Variants in PRKG1 observed in about 807,000 individuals in gnomAD.
PRKG1 encodes cGMP-dependent protein kinase 1.
In PRKG1, 35 loss-of-function variants were observed where a neutral mutation model predicts 88.1. The ratio of observed to expected loss-of-function variants is 0.40; its 90% confidence interval spans 0.30 to 0.53. The LOEUF (loss-of-function observed/expected upper bound fraction) is 0.53. Ranked by LOEUF, PRKG1 falls within the 20% of genes least tolerant of loss-of-function variation. The pLI is 0.59. For synonymous variants in PRKG1, 303 were observed against 292.5 expected (o/e 1.04, Z -0.37); for missense variants, 540 against 839.8 (o/e 0.64, Z 4.41).
At chr10:51,206,855 T>C (rs1228902860) in intron 2 of PRKG1, among the ~76,000 whole-genome samples, 2 of 152,130 alleles carry the variant, frequency 1.3e-5, no homozygotes, top group Non-Finnish European at 2.9e-5. Flanking sequence ...ATAAATAGAA[T>C]CAGAAATCAA....
intron 3 of PRKG1, among the ~76,000 whole-genome samples, chr10:51,693,287 CAAAA>C (rs762828746): frequency 1.4e-5 from 1 of 70,592 alleles, no homozygotes; most frequent in African/African-American, 4.3e-5. Flanking sequence ...GACACCACCT[CAAAA>C]AAAAAAAAAA....
intron 5 of PRKG1, among the ~76,000 whole-genome samples, chr10:52,045,268 A>G (rs796370083): frequency 1.3e-5 from 2 of 151,902 alleles, no homozygotes; most frequent in South Asian, 4.3e-4. Flanking sequence ...TCTAGTGGGG[A>G]TCAGGCTGAT....
chr10:51,412,205 GAGAGAGAGAAAGAA>G (rs761899413), intron 2 of PRKG1, among the ~76,000 whole-genome samples: 6,036 of 119,864 alleles, frequency 0.05, 175 homozygotes, highest in African/African-American at 0.12. Flanking sequence ...GAGAGAGAGA[GAGAGAGAGAAAGAA>G]AGAGAGAAAG....
intron 5 of PRKG1, among the ~76,000 whole-genome samples, chr10:52,050,733 T>G (rs142783310): frequency 3.3e-5 from 5 of 152,200 alleles, no homozygotes; most frequent in Admixed American, 6.5e-5. Flanking sequence ...GATATTTATA[T>G]GACAAGTTGA....
In PRKG1 at chr10:51,705,295, A is replaced by T. The variant is rs925158180; in HGVS notation, c.593-99290A>T. Among the ~76,000 whole-genome samples, 4 of 152,334 alleles carry T rather than the reference A, an allele frequency of 2.6e-5. No individual in the cohort carries two copies. The East Asian group carries it at 7.7e-4, about 29-fold the overall frequency. On this transcript the variant is annotated intron_variant, in intron 3 of 17. Coordinates refer to ENST00000373980, the MANE Select transcript of PRKG1 (RefSeq NM_006258.4). ...GAGGTATCAATATTCTTGTATTACC[A>T]TAAAATCCATATCTGATTGATATTC...
intron 4 of PRKG1, among the ~76,000 whole-genome samples, chr10:51,875,325 C>T (rs1487074628): frequency 2.6e-5 from 4 of 151,020 alleles, no homozygotes; most frequent in Non-Finnish European, 2.9e-5. Flanking sequence ...AAAAAAAATA[C>T]TGCACATGAG....
At chr10:51,555,161 C>T (rs182052995) in intron 3 of PRKG1, among the ~76,000 whole-genome samples, 67 of 151,936 alleles carry the variant, frequency 4.4e-4, no homozygotes, top group African/African-American at 1.6e-3. Context: ...TCTTTCTATG[C>T]TTTATGGCTC....
At chr10:51,754,180 AAAGT>A (rs1837798863) in intron 3 of PRKG1, among the ~76,000 whole-genome samples, 1 of 152,208 alleles carries the variant, frequency 6.6e-6, no homozygotes, top group African/African-American at 2.4e-5. Flanking sequence ...GTCCCTGATG[AAAGT>A]CTTACTCAGG....
At chr10:51,038,823 C>T (rs1051289428) in intron 1 of PRKG1, among the ~76,000 whole-genome samples, 3 of 152,136 alleles carry the variant, frequency 2.0e-5, no homozygotes, top group Non-Finnish European at 4.4e-5. Flanking sequence ...ACCCTATTTA[C>T]CCAGTTGTGA....
chr10:51,691,133 T>C (rs773749533), intron 3 of PRKG1, among the ~76,000 whole-genome samples: 14 of 151,330 alleles, frequency 9.3e-5, no homozygotes, highest in Non-Finnish European at 1.9e-4. Context: ...CTAAATATAC[T>C]GATTGGCTTA....
chr10:51,791,402 C>T (rs1838866326), intron 3 of PRKG1, among the ~76,000 whole-genome samples: 1 of 152,074 alleles, frequency 6.6e-6, no homozygotes, highest in Admixed American at 6.6e-5. Context: ...CTGTTATAAA[C>T]AGCTCCTCTG....
chr10:51,890,652 A>C (rs1472714812), intron 4 of PRKG1, among the ~76,000 whole-genome samples: 1 of 152,220 alleles, frequency 6.6e-6, no homozygotes, highest in Non-Finnish European at 1.5e-5. Flanking sequence ...ATTAGAGAAG[A>C]AATATTCATA....
At chr10:51,385,194 A>C (rs1837219936) in intron 2 of PRKG1, among the ~76,000 whole-genome samples, 1 of 152,200 alleles carries the variant, frequency 6.6e-6, no homozygotes, top group Admixed American at 6.5e-5. Context: ...ATCAGAAAAA[A>C]AGTAATGGTG....
At chr10:52,050,375 T>G (rs866638005) in intron 5 of PRKG1, among the ~76,000 whole-genome samples, 1 of 152,186 alleles carries the variant, frequency 6.6e-6, no homozygotes, top group Admixed American at 6.6e-5. Context: ...CTAAGATTTC[T>G]TCTTACTCTA....
chr10:51,638,072 C>T (rs1839703413), intron 3 of PRKG1, among the ~76,000 whole-genome samples: 1 of 152,142 alleles, frequency 6.6e-6, no homozygotes, highest in Admixed American at 6.5e-5. Context: ...GTAGGTCTTT[C>T]ACCAATTAAA....
intron 2 of PRKG1, among the ~76,000 whole-genome samples, chr10:51,382,155 G>C (rs1837123148): frequency 2.0e-5 from 3 of 151,850 alleles, no homozygotes; most frequent in South Asian, 4.1e-4. Flanking sequence ...AGTCTGAAAG[G>C]ACTTAAAATT....
intron 3 of PRKG1, among the ~76,000 whole-genome samples, chr10:51,770,709 G>A (rs574236246): frequency 2.6e-5 from 4 of 152,134 alleles, no homozygotes; most frequent in Non-Finnish European, 5.9e-5. Context: ...AGAGTTTAAT[G>A]CCTGATGATC....
At chr10:51,333,224 G>C (rs1841786161) in intron 2 of PRKG1, among the ~76,000 whole-genome samples, 1 of 152,184 alleles carries the variant, frequency 6.6e-6, no homozygotes, top group Admixed American at 6.5e-5. Context: ...TCTCAGCCTA[G>C]TTATCTACTC....
At chr10:51,195,174 G>C (rs1222406942) in intron 2 of PRKG1, among the ~76,000 whole-genome samples, 1 of 152,194 alleles carries the variant, frequency 6.6e-6, no homozygotes, top group Non-Finnish European at 1.5e-5. Flanking sequence ...AGTAAGTTCA[G>C]TTCTAATAAA....
Sources: allele counts gnomAD v4.1 joint callset (sites outside exome capture counted in the v4.1 genomes callset), GRCh38; gene constraint gnomAD v4.1.1; transcripts MANE v1.5; gene names NCBI Gene and HGNC (gene_info 2026-07-23, HGNC 2026-07-21).